The following UGT2B7 variants were observed in gnomAD, a reference collection of about 807,000 sequenced individuals.
UGT2B7 encodes the protein UDP-glucuronosyltransferase 2B7.
UGT2B7 carries 51 observed loss-of-function variants against 51.9 expected under a neutral mutation model. That is an observed-to-expected ratio of 0.98 (90% CI 0.78 to 1.24). The LOEUF (loss-of-function observed/expected upper bound fraction) is 1.24, where lower values mean the gene tolerates loss of function less well. Ranked by LOEUF, UGT2B7 falls within the 50% of genes most tolerant of loss-of-function variation. The pLI, the probability that UGT2B7 is intolerant of heterozygous loss-of-function variation, is 0.00. For synonymous variants in UGT2B7, 225 were observed against 211.6 expected, an observed-to-expected ratio of 1.06 and a Z score of -0.55; for missense variants, 727 against 628.4, an observed-to-expected ratio of 1.16 and a Z score of -1.68.
chr4:69,112,443 T>C lies in UGT2B7; in HGVS notation c.1311-14T>C. The C allele has an allele frequency of 6.2e-7, 1 of 1,609,760 alleles. No homozygotes were observed. The highest frequency in any genetic ancestry group is 8.5e-7 in the Non-Finnish European group (1 of 1,178,204). ...TCTTCCTGCTACATTACTGTCTTTA[T>C]TTTTATCTTTCAGATATAAAGAGAA... On this transcript the variant is annotated splice_polypyrimidine_tract_variant and intron_variant, in intron 5 of 5. Coordinates refer to ENST00000305231, the MANE Select transcript of UGT2B7 (RefSeq NM_001074.4).
chr4:69,074,070 C>T (rs1718653518), intron 1 of UGT2B7, among the ~76,000 whole-genome samples: 1 of 152,210 alleles, frequency 6.6e-6, no homozygotes, highest in East Asian at 1.9e-4. Flanking sequence ...TTTGTCTAGG[C>T]ATGGTGGTTC....
At chr4:69,056,151 T>C (rs1718188532) in intron 1 of UGT2B7, among the ~76,000 whole-genome samples, 1 of 152,148 alleles carries the variant, frequency 6.6e-6, no homozygotes, top group Admixed American at 6.5e-5. Context: ...CTTCCCAGTC[T>C]ATGCTTCCCA....
chr4:69,052,532 A>C (rs1221708472), intron 1 of UGT2B7, among the ~76,000 whole-genome samples: 3 of 135,208 alleles, frequency 2.2e-5, no homozygotes, highest in African/African-American at 8.8e-5. Flanking sequence ...CAAAGACATC[A>C]AAAAAGTTTG....
intron 1 of UGT2B7, among the ~76,000 whole-genome samples, chr4:69,058,379 G>A (rs1298568664): frequency 6.6e-6 from 1 of 152,144 alleles, no homozygotes; most frequent in African/African-American, 2.4e-5. Context: ...GGAAAATAAA[G>A]CAAACTTGTC....
chr4:69,085,832 A>G (rs4642304), intron 1 of UGT2B7, among the ~76,000 whole-genome samples: 87,338 of 151,524 alleles, frequency 0.58, 26,145 homozygotes, highest in African/African-American at 0.71. Flanking sequence ...GTTTATAATA[A>G]TATCTTATAA....
chr4:69,102,991 G>A, intron 3 of UGT2B7, 53 bp downstream of exon 3: 3 of 1,577,032 alleles, frequency 1.9e-6, no homozygotes, highest in Non-Finnish European at 2.6e-6. Flanking sequence ...GGCTGTTAAA[G>A]TTTGAAGTAA....
intron 2 of UGT2B7, among the ~76,000 whole-genome samples, chr4:69,100,980 G>T (rs1051131302): frequency 6.6e-6 from 1 of 151,940 alleles, no homozygotes; most frequent in African/African-American, 2.4e-5. Context: ...TAATCAAGGT[G>T]TACCTATTAA....
intron 1 of UGT2B7, among the ~76,000 whole-genome samples, chr4:69,067,035 C>A (rs1424691979): frequency 6.6e-6 from 1 of 152,090 alleles, no homozygotes; most frequent in Non-Finnish European, 1.5e-5. Flanking sequence ...GTGACTTCAC[C>A]ATTTCTCTAA....
At chr4:69,068,602 C>A (rs1718532243) in intron 1 of UGT2B7, among the ~76,000 whole-genome samples, 1 of 151,750 alleles carries the variant, frequency 6.6e-6, no homozygotes, top group Non-Finnish European at 1.5e-5. Flanking sequence ...TTAGTTGATA[C>A]ATATTGAATG....
At chr4:69,059,300 G>T (rs1358418261) in intron 1 of UGT2B7, among the ~76,000 whole-genome samples, 3 of 152,180 alleles carry the variant, frequency 2.0e-5, no homozygotes, top group South Asian at 2.1e-4. Flanking sequence ...GAGGCCCATC[G>T]GTTGGTCAAA....
intron 3 of UGT2B7, 36 bp from the exon 4 acceptor site, chr4:69,107,139 C>T (rs751964414): frequency 6.3e-7 from 1 of 1,589,888 alleles, no homozygotes; most frequent in Admixed American, 1.7e-5. Flanking sequence ...TTTTGAATTC[C>T]ACTCATGGAA....
intron 1 of UGT2B7, among the ~76,000 whole-genome samples, chr4:69,086,523 T>C (rs1718963587): frequency 6.6e-6 from 1 of 151,842 alleles, no homozygotes; most frequent in Admixed American, 6.6e-5. Flanking sequence ...AACTCTGAGG[T>C]TTTTTCATTG....
At chr4:69,081,959 T>C (rs7686971) in intron 1 of UGT2B7, among the ~76,000 whole-genome samples, 2 of 151,936 alleles carry the variant, frequency 1.3e-5, no homozygotes, top group Admixed American at 1.3e-4. Context: ...ATTTTTAAAA[T>C]GGCAAGTAAC....
chr4:69,101,858 G>A (rs894607661), intron 2 of UGT2B7, among the ~76,000 whole-genome samples: 3 of 152,134 alleles, frequency 2.0e-5, no homozygotes, highest in Non-Finnish European at 2.9e-5. Flanking sequence ...GTTACGTGGT[G>A]TGTGTGAGCT....
chr4:69,112,817 G>T lies in UGT2B7; in HGVS notation c.*81G>T, dbSNP rs534161446. The T allele has an allele frequency of 6.3e-4, 802 of 1,278,204 alleles. 4 individuals are homozygous for T. The highest frequency in any genetic ancestry group is 7.4e-5 in the Non-Finnish European group (72 of 970,810). The allele number at this position is 1,278,204 out of a possible 1,614,324, so 79.2% of individuals were successfully genotyped here. ...TCCAGCAAGAAAGATTGTGATGCAA[G>T]ATTTCTTTCTTCCTGAGACAAAAAA... On this transcript the variant is annotated 3_prime_UTR_variant, in exon 6 of 6. Coordinates refer to ENST00000305231, the MANE Select transcript of UGT2B7 (RefSeq NM_001074.4).
chr4:69,104,129 T>G (rs1217312022), intron 3 of UGT2B7, among the ~76,000 whole-genome samples: 1 of 151,798 alleles, frequency 6.6e-6, no homozygotes, highest in Admixed American at 6.6e-5. Flanking sequence ...CTACTGAAAA[T>G]AGAAAAAATT....
chr4:69,065,148 G>A (rs902079558), intron 1 of UGT2B7, among the ~76,000 whole-genome samples: 1 of 152,070 alleles, frequency 6.6e-6, no homozygotes, highest in African/African-American at 2.4e-5. Context: ...CATGTAATCT[G>A]GGGCTCTTTA....
At chr4:69,089,225 G>C (rs1263887986) in intron 1 of UGT2B7, among the ~76,000 whole-genome samples, 3 of 152,088 alleles carry the variant, frequency 2.0e-5, no homozygotes, top group African/African-American at 7.2e-5. Context: ...TAAAAGAGCT[G>C]TATATTTATC....
intron 1 of UGT2B7, among the ~76,000 whole-genome samples, chr4:69,073,989 C>T (rs1194200414): frequency 2.0e-5 from 3 of 152,068 alleles, no homozygotes; most frequent in Non-Finnish European, 4.4e-5. Flanking sequence ...CTCACCTCAT[C>T]CCATTCTTGT....
Sources: gnomAD v4.1 joint callset for allele counts (sites outside exome capture counted in the v4.1 genomes callset) on GRCh38, gnomAD v4.1.1 for gene constraint, MANE v1.5 for transcripts, NCBI Gene and HGNC (gene_info 2026-07-23, HGNC 2026-07-21) for gene names.